The following FGD4 variants were observed in gnomAD, a reference collection of about 807,000 sequenced individuals.
The protein encoded by FGD4 is FYVE, RhoGEF and PH domain containing 4.
A neutral mutation model predicts 102.0 loss-of-function variants in FGD4; 42 were observed. The ratio of observed to expected loss-of-function variants is 0.41; its 90% CI spans 0.32 to 0.53. FGD4 has a LOEUF of 0.53. Ranked by LOEUF, FGD4 falls within the 20% of genes least tolerant of loss-of-function variation. The pLI is 0.21. For synonymous variants in FGD4, 380 were observed against 375.7 expected (o/e 1.01, Z -0.13); for missense variants, 902 against 1,078.2 (o/e 0.84, Z 2.29).
intron 1 of FGD4, among the ~76,000 whole-genome samples, chr12:32,456,762 G>A (rs1942958681): frequency 6.6e-6 from 1 of 152,128 alleles, no homozygotes; most frequent in Non-Finnish European, 1.5e-5. Flanking sequence ...TAGAGCTGCT[G>A]TATATTTCTA....
chr12:32,436,039 G>A (rs983715401), intron 1 of FGD4, among the ~76,000 whole-genome samples: 7 of 152,138 alleles, frequency 4.6e-5, no homozygotes, highest in African/African-American at 1.7e-4. Flanking sequence ...ATCTGCTGTC[G>A]GGGGAGGACA....
intron 4 of FGD4, among the ~76,000 whole-genome samples, chr12:32,588,108 G>A (rs900550968): frequency 1.3e-5 from 2 of 152,134 alleles, no homozygotes; most frequent in Non-Finnish European, 2.9e-5. Context: ...GGGTAGGGGT[G>A]CAGGCATATT....
At chr12:32,632,984 A>G (rs1950581211) in intron 14 of FGD4, among the ~76,000 whole-genome samples, 1 of 151,992 alleles carries the variant, frequency 6.6e-6, no homozygotes, top group Non-Finnish European at 1.5e-5. Context: ...TCACAAGCCT[A>G]GAAAAGAAGC....
intron 1 of FGD4, among the ~76,000 whole-genome samples, chr12:32,432,039 T>C (rs1272682744): frequency 6.6e-6 from 1 of 150,510 alleles, no homozygotes; most frequent in African/African-American, 2.4e-5. Flanking sequence ...GGCTCATGCC[T>C]GTAATCCTAG....
intron 8 of FGD4, among the ~76,000 whole-genome samples, chr12:32,609,575 C>T (rs1949013878): frequency 6.6e-6 from 1 of 152,184 alleles, no homozygotes; most frequent in Non-Finnish European, 1.5e-5. Flanking sequence ...ACTTTGGTAT[C>T]CCCTTAGATG....
At chr12:32,623,514 A>G (rs767515498) in intron 11 of FGD4, among the ~76,000 whole-genome samples, 5 of 152,088 alleles carry the variant, frequency 3.3e-5, no homozygotes, top group Non-Finnish European at 5.9e-5. Flanking sequence ...CACACAAACA[A>G]TCCTTCAGCC....
chr12:32,605,628 C>A (rs12305916), intron 7 of FGD4, among the ~76,000 whole-genome samples: 6,748 of 152,248 alleles, frequency 0.044, 438 homozygotes, highest in African/African-American at 0.15. Flanking sequence ...TCAATATTTT[C>A]TTTTCCTATT....
chr12:32,603,699 G>A (rs1948583248), intron 7 of FGD4, among the ~76,000 whole-genome samples: 1 of 149,590 alleles, frequency 6.7e-6, no homozygotes, highest in Non-Finnish European at 1.5e-5. Flanking sequence ...TTTCTATAAT[G>A]TTTATTATTT....
At chr12:32,417,874 T>C (rs1380042010) in intron 1 of FGD4, among the ~76,000 whole-genome samples, 3 of 152,030 alleles carry the variant, frequency 2.0e-5, no homozygotes, top group East Asian at 3.8e-4. Flanking sequence ...TGAGTTTCCT[T>C]ACCACAGCTC....
At chr12:32,481,524 C>T (rs1943764999) in intron 1 of FGD4, among the ~76,000 whole-genome samples, 1 of 151,934 alleles carries the variant, frequency 6.6e-6, no homozygotes, top group Admixed American at 6.6e-5. Context: ...CCACAGATTG[C>T]TTTAAAAATG....
At chr12:32,497,623 A>G (rs1340961933) in intron 1 of FGD4, among the ~76,000 whole-genome samples, 1 of 152,182 alleles carries the variant, frequency 6.6e-6, no homozygotes, top group Non-Finnish European at 1.5e-5. Context: ...TTTATAATAC[A>G]AACCATTTGT....
rs543447765 is a variant in FGD4, at chr12:32,526,063, G to C, written c.167-38074G>C. On this transcript the variant is annotated intron_variant, in intron 1 of 16. Coordinates refer to ENST00000534526, the MANE Select transcript of FGD4 (RefSeq NM_001370298.3). ...CAAGGGCTGAGGAATGCGAGCGCAG[G>C]GGGCAGGACTGGCAGGCAGCTCCAC... 5.9e-5 allele frequency among the ~76,000 whole-genome samples: 9 copies of C among 152,306 alleles called. No homozygotes were observed. The South Asian group carries it at 8.4e-4, about 14-fold the overall frequency.
chr12:32,516,097 A>T (rs1448043101), intron 1 of FGD4, among the ~76,000 whole-genome samples: 2 of 152,040 alleles, frequency 1.3e-5, no homozygotes, highest in Non-Finnish European at 2.9e-5. Context: ...GAGAAAAATA[A>T]CAACAACAAT....
At chr12:32,559,225 T>C (rs1944344033) in intron 1 of FGD4, among the ~76,000 whole-genome samples, 1 of 152,120 alleles carries the variant, frequency 6.6e-6, no homozygotes, top group Admixed American at 6.5e-5. Flanking sequence ...AAACAAAAAG[T>C]TTCAGTTTTT....
At chr12:32,476,949 G>A (rs963459469) in intron 1 of FGD4, among the ~76,000 whole-genome samples, 1 of 152,098 alleles carries the variant, frequency 6.6e-6, no homozygotes, top group Non-Finnish European at 1.5e-5. Context: ...AGACACTCTT[G>A]GCTTAAGGTT....
Position 32,576,399 on chromosome 12 carries a change from A to C in FGD4, c.453A>C (p.Lys151Asn), listed in dbSNP as rs1946130546. Residue 151 changes from lysine (K) to asparagine (N), a missense_variant, in exon 3 of 17, where the codon AAA becomes AAC. By Grantham distance (94) the Lys-to-Asn change is moderately conservative (BLOSUM62 0). Transcript: ENST00000534526. ...CTGCCTCTGCTTCTTGTGTCTCAAA[A>C]GAAAAACCCAGTAAGGTATCAGATC... The part of the protein sequence containing the change: ...IKPASASCVS[K>N]EKPSKVSDLI... 6.2e-7 allele frequency: 1 copy of C among 1,614,186 alleles called. No homozygotes were observed.
chr12:32,576,881 C>T (rs1202223424), intron 3 of FGD4, among the ~76,000 whole-genome samples: 1 of 152,078 alleles, frequency 6.6e-6, no homozygotes, highest in Non-Finnish European at 1.5e-5. Context: ...TTGTCTCCTC[C>T]CTGGGGCCCT....
At chr12:32,598,157 G>A (rs961822051) in intron 4 of FGD4, among the ~76,000 whole-genome samples, 18 of 152,168 alleles carry the variant, frequency 1.2e-4, no homozygotes, top group African/African-American at 4.1e-4. Context: ...TAGACAAGAT[G>A]TCTGAGTGAT....
At chr12:32,486,180 C>T in intron 1 of FGD4, 2 of 1,519,354 alleles carry the variant, frequency 1.3e-6, no homozygotes, top group Non-Finnish European at 8.8e-7. Flanking sequence ...TCTGAAATAT[C>T]TCAGGTTAAA....
Sources: allele counts gnomAD v4.1 joint callset (sites outside exome capture counted in the v4.1 genomes callset), GRCh38; gene constraint gnomAD v4.1.1; transcripts MANE v1.5; gene names NCBI Gene and HGNC (gene_info 2026-07-23, HGNC 2026-07-21).